The following ABCA1 variants were observed in gnomAD, a reference collection of about 807,000 sequenced individuals.
The protein encoded by ABCA1 is phospholipid-transporting ATPase ABCA1.
A neutral mutation model predicts 262.5 loss-of-function variants in ABCA1; 133 were observed. That is an observed-to-expected ratio of 0.51 (90% CI 0.44 to 0.59). The LOEUF (loss-of-function observed/expected upper bound fraction) is 0.59. ABCA1 is among the 20% of genes least tolerant of loss of function. ABCA1 has a pLI of 0.00. For synonymous variants in ABCA1, 1,022 were observed against 1,043.5 expected (o/e 0.98, Z 0.40); for missense variants, 2,452 against 2,777.5 (o/e 0.88, Z 2.63).
chr9:104,923,585 G>C (rs1188800453), intron 1 of ABCA1, among the ~76,000 whole-genome samples: 2 of 152,196 alleles, frequency 1.3e-5, no homozygotes, highest in East Asian at 3.8e-4. Flanking sequence ...AAAGCTCCCT[G>C]GTTGCAGCAG....
At chr9:104,804,385 G>C (rs1830589973) in intron 32 of ABCA1, among the ~76,000 whole-genome samples, 1 of 152,194 alleles carries the variant, frequency 6.6e-6, no homozygotes, top group African/African-American at 2.4e-5. Context: ...GGCAAAATTT[G>C]ACGTTGAATC....
chr9:104,840,395 T>A lies in ABCA1; in HGVS notation c.938A>T (p.Glu313Val), dbSNP rs748102672. 1.9e-6 allele frequency: 3 copies of A among 1,614,166 alleles called. No individual in the cohort carries two copies. Among genetic ancestry groups the A allele is most frequent in the South Asian group, 2.2e-5 (2 of 91,076 alleles). The change falls in exon 9 of 50, where the codon GAG (glutamate) becomes GTG (valine). Residue 313 changes from glutamate (E) to valine (V), a missense_variant. Glu to Val is a moderately radical substitution (Grantham distance 121). Around this residue, in one of 4 missense-constraint regions of ABCA1, gnomAD observed 1,032 missense variants for 1,089.7 expected, o/e 0.95. Coordinates refer to ENST00000374736, the MANE Select transcript of ABCA1 (RefSeq NM_005502.4). Reference protein sequence around the residue: ...AVSRIVCGHPEGGGLKIKSLN... With the variant: ...AVSRIVCGHPVGGGLKIKSLN... ...AGACTTGATCTTCAGCCCCCCTCCC[T>A]CGGGATGCCCGCAGACAATACGAGA...
chr9:104,795,583 T>C (rs1472494481), intron 39 of ABCA1, among the ~76,000 whole-genome samples: 2 of 152,138 alleles, frequency 1.3e-5, no homozygotes, highest in Non-Finnish European at 2.9e-5. Context: ...AACTAGGACA[T>C]ATCCAGGTTG....
chr9:104,861,189 A>G (rs987648898), intron 6 of ABCA1, among the ~76,000 whole-genome samples: 5 of 152,178 alleles, frequency 3.3e-5, no homozygotes, highest in Admixed American at 3.3e-4. Flanking sequence ...CTGATCTCCT[A>G]TTTAATGCAA....
intron 33 of ABCA1, among the ~76,000 whole-genome samples, 190 bp downstream of exon 33, chr9:104,803,094 G>C (rs1371326045): frequency 1.3e-5 from 2 of 152,152 alleles, no homozygotes. Context: ...ACTCTATAAA[G>C]CAGGCCTAAT....
chr9:104,915,008 A>G (rs4149263), intron 1 of ABCA1, among the ~76,000 whole-genome samples: 27,464 of 152,176 alleles, frequency 0.18, 2,651 homozygotes, highest in Middle Eastern at 0.38. Flanking sequence ...GGTTCAACCT[A>G]GAGTATAAGA....
intron 17 of ABCA1, among the ~76,000 whole-genome samples, chr9:104,824,954 T>A (rs1013115312): frequency 1.3e-5 from 2 of 152,242 alleles, no homozygotes; most frequent in Admixed American, 1.3e-4. Flanking sequence ...ATATTTCATG[T>A]ATACCTCCTT....
rs1048855711 is a variant in ABCA1 at position 104,817,538 on chromosome 9, GCA to G, written c.3463-136_3463-135del. 5.3e-6 allele frequency: 5 copies of G among 936,526 alleles called. No individual in the cohort carries two copies. The highest frequency in any genetic ancestry group is 4.9e-5 in the African/African-American group (3 of 61,204). 58.0% of individuals were successfully genotyped at this position (936,526 alleles called of 1,614,324 possible). A position where few individuals can be genotyped will look rare whatever the true frequency, so the allele number is the denominator to read the frequency against. On this transcript the variant is annotated intron_variant, in intron 23 of 49. Coordinates refer to ENST00000374736, the MANE Select transcript of ABCA1 (RefSeq NM_005502.4). The surrounding 1 kb of genome is among the most constrained non-coding windows in gnomAD (Gnocchi z 4.7). ...GGAAAAAGCTTTCCCTGGGACACAT[GCA>G]CTGGCAGCCGTGGCTTCAGAGGACC...
At chr9:104,795,458 G>A (rs753404989) in intron 39 of ABCA1, among the ~76,000 whole-genome samples, 3 of 152,230 alleles carry the variant, frequency 2.0e-5, no homozygotes, top group Non-Finnish European at 4.4e-5. Flanking sequence ...ATCTGCAACA[G>A]CAAAGCAAGC....
intron 5 of ABCA1, among the ~76,000 whole-genome samples, chr9:104,874,833 C>T (rs1443653080): frequency 3.0e-5 from 4 of 135,496 alleles, no homozygotes; most frequent in African/African-American, 3.6e-5. Context: ...TGGGGGCCAG[C>T]CCCCGCCCGG....
At position 104,862,639 on chromosome 9, in the gene ABCA1, C is replaced by CGGGCAGGGCCGGGCA. The variant is rs1564197760; in HGVS notation, c.422-840_422-839insTGCCCGGCCCTGCCC. On this transcript the variant is annotated intron_variant, in intron 5 of 49. Coordinates refer to ENST00000374736, the MANE Select transcript of ABCA1 (RefSeq NM_005502.4). ...CTTGTTAAAATGCAGACTGCCGGGCCGGGCCGGGCCGGGCCGGGCCGGGCC... is the reference window on the plus strand; with the variant it reads ...CTTGTTAAAATGCAGACTGCCGGGCCGGGCAGGGCCGGGCAGGGCCGGGCCGGGCCGGGCCGGGCC... 1.7e-3 allele frequency among the ~76,000 whole-genome samples: 9 copies of CGGGCAGGGCCGGGCA among 5,392 alleles called. 3 individuals are homozygous for CGGGCAGGGCCGGGCA. Among genetic ancestry groups the CGGGCAGGGCCGGGCA allele is most frequent in the African/African-American group, 4.0e-3 (8 of 1,978 alleles). The allele number at this position is 5,392 out of a possible 152,430, so 3.5% of individuals were successfully genotyped here.
At chr9:104,887,823 T>C (rs1352616430) in intron 3 of ABCA1, among the ~76,000 whole-genome samples, 1 of 147,364 alleles carries the variant, frequency 6.8e-6, no homozygotes, top group Non-Finnish European at 1.5e-5. Flanking sequence ...GCCTCGCAGG[T>C]TGAAGCAATT....
intron 29 of ABCA1, 39 bp downstream of exon 29, chr9:104,810,761 G>T: frequency 6.2e-7 from 1 of 1,613,942 alleles, no homozygotes; most frequent in Non-Finnish European, 8.5e-7. Flanking sequence ...TGGTCTGCTC[G>T]AATCTTACCC....
chr9:104,884,932 G>T (rs770575303), intron 3 of ABCA1, among the ~76,000 whole-genome samples: 4 of 152,202 alleles, frequency 2.6e-5, no homozygotes, highest in Admixed American at 1.3e-4. Flanking sequence ...CTCTAAGGAG[G>T]TAACTACGGT....
At chr9:104,875,866 C>T (rs910299501) in intron 5 of ABCA1, among the ~76,000 whole-genome samples, 2 of 152,156 alleles carry the variant, frequency 1.3e-5, no homozygotes, top group African/African-American at 2.4e-5. Flanking sequence ...CCCCCAGAAA[C>T]GTGTGACTTG....
intron 5 of ABCA1, among the ~76,000 whole-genome samples, chr9:104,873,085 G>A (rs1391301841): frequency 6.6e-6 from 1 of 151,920 alleles, no homozygotes; most frequent in Non-Finnish European, 1.5e-5. Flanking sequence ...GCCTGGCTTT[G>A]ACAGGTCTGG....
Position 104,817,464 on chromosome 9 carries a change from A to G in ABCA1, c.3463-60T>C. ...GACGGAGCAAGGCAGAGCCACCAGC[A>G]CCTTCGCCGGGGAGGGCTTCCAAGA... On this transcript the variant is annotated intron_variant, in intron 23 of 49. Coordinates refer to ENST00000374736, the MANE Select transcript of ABCA1 (RefSeq NM_005502.4). This position sits in a 1 kb window ranked among gnomAD's most constrained non-coding sequence, Gnocchi z 4.7. 1 of 1,578,852 alleles carries G rather than the reference A, an allele frequency of 6.3e-7. No individual in the cohort carries two copies. The highest frequency in any genetic ancestry group is 1.7e-4 in the Middle Eastern group (1 of 6,012).
At chr9:104,890,193 C>A (rs115496950) in intron 2 of ABCA1, among the ~76,000 whole-genome samples, 1,785 of 152,322 alleles carry the variant, frequency 0.012, 44 homozygotes, top group African/African-American at 0.041. Flanking sequence ...CCTTGTGTTT[C>A]AGAGTAATTA....
chr9:104,805,714 T>G (rs557830058), intron 31 of ABCA1, among the ~76,000 whole-genome samples: 1 of 152,228 alleles, frequency 6.6e-6, no homozygotes, highest in African/African-American at 2.4e-5. Flanking sequence ...GTCTGTCCTG[T>G]GACTTTACTG....
Sources: gnomAD v4.1 joint callset for allele counts (sites outside exome capture counted in the v4.1 genomes callset) on GRCh38, gnomAD v4.1.1 for gene constraint, gnomAD v4.1.1 regional missense constraint, Gnocchi (gnomAD v3.1) non-coding constraint, MANE v1.5 for transcripts, NCBI Gene and HGNC (gene_info 2026-07-23, HGNC 2026-07-21) for gene names.